ZNF787: variants seen among roughly 807,000 people sequenced by gnomAD.
ZNF787 encodes the protein TTF-I-interacting peptide 20.
ZNF787 carries 7 observed loss-of-function variants against 16.9 expected under a neutral mutation model. The observed-to-expected ratio is 0.42, with a 90% CI of 0.24 to 0.78. ZNF787 has a LOEUF of 0.78. ZNF787 is among the 30% of genes least tolerant of loss of function. The pLI, the probability that ZNF787 is intolerant of heterozygous loss-of-function variation, is 0.30. For synonymous variants in ZNF787, 345 were observed against 270.9 expected (o/e 1.27, Z -2.69); for missense variants, 551 against 589.3 (o/e 0.94, Z 0.67).
At chr19:56,089,594 T>C (rs1842952659) in intron 2 of ZNF787, among the ~76,000 whole-genome samples, 1 of 152,144 alleles carries the variant, frequency 6.6e-6, no homozygotes, top group South Asian at 2.1e-4. Flanking sequence ...CAGGGAGCGA[T>C]GGTGTCACAT....
At chr19:56,120,808 C>A (rs1256915003) in intron 1 of ZNF787, among the ~76,000 whole-genome samples, 2 of 150,804 alleles carry the variant, frequency 1.3e-5, no homozygotes, top group Non-Finnish European at 1.5e-5. Flanking sequence ...ACAGCGGCCC[C>A]ACCCCCGACG....
chr19:56,119,281 T>C (rs1194737976), intron 1 of ZNF787, among the ~76,000 whole-genome samples: 4 of 152,178 alleles, frequency 2.6e-5, no homozygotes, highest in African/African-American at 9.7e-5. Flanking sequence ...TGCAGCCGCC[T>C]GGATGGATTA....
chr19:56,102,426 G>T (rs1200030637), intron 2 of ZNF787: 1 of 162,740 alleles, frequency 6.1e-6, no homozygotes, highest in African/African-American at 2.4e-5. Flanking sequence ...AGGCAGGGAG[G>T]CGGCCTCCGT....
In ZNF787 at chr19:56,109,110, G is replaced by C. The variant is rs115115183; in HGVS notation, c.-10-5883C>G. On this transcript the variant is annotated intron_variant, in intron 1 of 2. Coordinates refer to ENST00000610935, the MANE Select transcript of ZNF787 (RefSeq NM_001002836.4). ...CCCACGCCCAACATCAAGAGTGAGA[G>C]TGATCTCAACGTTTTTCTTATGTTC... Among the ~76,000 whole-genome samples, 1,191 of 152,272 alleles carry C rather than the reference G, an allele frequency of 7.8e-3. 20 individuals carry two copies. The highest frequency in any genetic ancestry group is 0.027 in the African/African-American group (1,121 of 41,552).
At chr19:56,120,674 G>A (rs960040693) in intron 1 of ZNF787, among the ~76,000 whole-genome samples, 3 of 151,934 alleles carry the variant, frequency 2.0e-5, no homozygotes, top group Non-Finnish European at 2.9e-5. Context: ...TGCCCTCGGG[G>A]CCGCGGTATC....
At chr19:56,101,198 G>A (rs374754888) in intron 2 of ZNF787, among the ~76,000 whole-genome samples, 36 of 144,136 alleles carry the variant, frequency 2.5e-4, no homozygotes, top group African/African-American at 7.9e-4. Flanking sequence ...CCCCACCTAC[G>A]ATGTCTGTCA....
intron 1 of ZNF787, among the ~76,000 whole-genome samples, chr19:56,119,162 A>G (rs2030218492): frequency 6.6e-6 from 1 of 152,090 alleles, no homozygotes; most frequent in Non-Finnish European, 1.5e-5. Context: ...AAGGGCCTTG[A>G]GATCCCTCTC....
At chr19:56,108,092 G>A (rs1439361129) in intron 1 of ZNF787, among the ~76,000 whole-genome samples, 1 of 152,106 alleles carries the variant, frequency 6.6e-6, no homozygotes, top group Non-Finnish European at 1.5e-5. Flanking sequence ...ACTGGCGGCA[G>A]CAGCCAGGAG....
chr19:56,100,410 T>C (rs902885203), intron 2 of ZNF787, among the ~76,000 whole-genome samples: 2 of 152,086 alleles, frequency 1.3e-5, no homozygotes, highest in African/African-American at 2.4e-5. Flanking sequence ...CTCCTCCCTG[T>C]CTGAGGACCC....
intron 2 of ZNF787, among the ~76,000 whole-genome samples, chr19:56,097,711 C>G (rs7245587): frequency 2.0e-5 from 3 of 152,144 alleles, no homozygotes; most frequent in Non-Finnish European, 1.5e-5. Context: ...GGATCAACTA[C>G]CCCCGGCCCT....
intron 1 of ZNF787, among the ~76,000 whole-genome samples, chr19:56,116,263 A>C (rs2123431956): frequency 6.6e-6 from 1 of 152,210 alleles, no homozygotes; most frequent in East Asian, 1.9e-4. Context: ...AACACGGTGA[A>C]ACCCCATCTC....
At position 56,090,422 on chromosome 19, in the gene ZNF787, G is replaced by A. The variant is rs138348288; in HGVS notation, c.80-1330C>T. ...CTACCACTAACTGCGGCCGCCCACC[G>A]CTAAATCCCCCACCCACAGGCAGCA... is the stretch of plus-strand genomic sequence containing the variant. On this transcript the variant is annotated intron_variant, in intron 2 of 2. Transcript: ENST00000610935. 1.9e-3 allele frequency among the ~76,000 whole-genome samples: 284 copies of A among 152,148 alleles called. 1 individual carries two copies. The highest frequency in any genetic ancestry group is 6.3e-3 in the African/African-American group (260 of 41,506).
At chr19:56,090,012 CATCT>C (rs1486245078) in intron 2 of ZNF787, among the ~76,000 whole-genome samples, 1 of 152,172 alleles carries the variant, frequency 6.6e-6, no homozygotes, top group Non-Finnish European at 1.5e-5. Context: ...TCAGCAAGTG[CATCT>C]CTGACCCCCG....
chr19:56,109,703 G>A (rs1384611269), intron 1 of ZNF787, among the ~76,000 whole-genome samples: 1 of 152,106 alleles, frequency 6.6e-6, no homozygotes, highest in Non-Finnish European at 1.5e-5. Flanking sequence ...GGCTAACACA[G>A]TGAAACCCCA....
chr19:56,112,516 G>T (rs1039586011), intron 1 of ZNF787, among the ~76,000 whole-genome samples: 55 of 151,638 alleles, frequency 3.6e-4, no homozygotes, highest in Non-Finnish European at 2.1e-4. Context: ...AGGCCTGCCT[G>T]CCAATTATCC....
chr19:56,092,432 C>T (rs185916986), intron 2 of ZNF787, among the ~76,000 whole-genome samples: 6 of 152,230 alleles, frequency 3.9e-5, no homozygotes, highest in African/African-American at 1.4e-4. Context: ...TCTACCTCTA[C>T]GCCTCCTGCC....
At chr19:56,094,551 G>A (rs1276569513) in intron 2 of ZNF787, among the ~76,000 whole-genome samples, 1 of 151,490 alleles carries the variant, frequency 6.6e-6, no homozygotes, top group African/African-American at 2.4e-5. Context: ...TTATTCTTGA[G>A]TTCCTTCTAC....
intron 1 of ZNF787, among the ~76,000 whole-genome samples, chr19:56,119,371 A>G (rs10401343): frequency 0.018 from 2,699 of 152,328 alleles, 76 homozygotes; most frequent in African/African-American, 0.061. Flanking sequence ...GGGAAGTGAC[A>G]TGTCCAAGGT....
Position 56,087,995 on chromosome 19 carries a change from T to TTGGGGG in ZNF787, c.*27_*28insCCCCCA. 2 of 1,106,470 alleles carry TTGGGGG rather than the reference T, an allele frequency of 1.8e-6. No homozygotes were observed. The highest frequency in any genetic ancestry group is 1.1e-4 in the East Asian group (2 of 18,356). The allele number at this position is 1,106,470 out of a possible 1,614,324, so 68.5% of individuals were successfully genotyped here. A position where few individuals can be genotyped will look rare whatever the true frequency, so the allele number is the denominator to read the frequency against. On this transcript the variant is annotated 3_prime_UTR_variant, in exon 3 of 3. Transcript: ENST00000610935. ...CGCTCCCGCCAAGCCCGAGGGGCCC[T>TTGGGGG]GCCCGCCCCCCCCCCCGGGCCCCTC...
Sources: gnomAD v4.1 joint callset for allele counts (sites outside exome capture counted in the v4.1 genomes callset) on GRCh38, gnomAD v4.1.1 for gene constraint, MANE v1.5 for transcripts, NCBI Gene and HGNC (gene_info 2026-07-23, HGNC 2026-07-21) for gene names.